THSD7A: variants seen among roughly 807,000 people sequenced by gnomAD.
THSD7A encodes the protein thrombospondin type 1 domain containing 7A, also known as thrombospondin type-1 domain-containing protein 7A.
Under a neutral mutation model 231.3 loss-of-function variants are expected in THSD7A, and 96 were observed. The observed-to-expected ratio is 0.41, with a 90% CI of 0.35 to 0.49. The LOEUF (loss-of-function observed/expected upper bound fraction) is 0.49. Among genes scored for constraint, THSD7A ranks in the 20% least tolerant of loss-of-function variants. THSD7A has a pLI of 0.05. For missense variants in THSD7A, 2,290 were observed against 2,070.2 expected (o/e 1.11, Z -2.06); for synonymous variants, 940 against 743.3 (o/e 1.26, Z -4.30).
chr7:11,588,385 G>A (rs778127437), intron 4 of THSD7A, among the ~76,000 whole-genome samples: 6 of 152,008 alleles, frequency 3.9e-5, no homozygotes, highest in Non-Finnish European at 7.4e-5. Flanking sequence ...TAAGAAGTTC[G>A]TTAGTATTCT....
chr7:11,571,140 C>G (rs992116620), intron 4 of THSD7A, among the ~76,000 whole-genome samples: 2 of 152,002 alleles, frequency 1.3e-5, no homozygotes, highest in African/African-American at 4.8e-5. Context: ...TTAGCTGGCA[C>G]CAAACAGATA....
chr7:11,465,881 G>C (rs905268934), intron 9 of THSD7A, among the ~76,000 whole-genome samples: 5 of 152,106 alleles, frequency 3.3e-5, no homozygotes, highest in East Asian at 3.9e-4. Flanking sequence ...TGTGCATAAG[G>C]TATTTCTATT....
At chr7:11,429,321 T>C (rs112627646) in intron 13 of THSD7A, among the ~76,000 whole-genome samples, 196 bp from the exon 14 acceptor site, 2,097 of 152,296 alleles carry the variant, frequency 0.014, 54 homozygotes, top group African/African-American at 0.048. Context: ...TCTGTTAAAA[T>C]AACAGTTGAG....
Position 11,429,119 on chromosome 7 carries a change from A to G in THSD7A, c.3071T>C (p.Ile1024Thr), listed in dbSNP as rs200965395. Residue 1024 changes from isoleucine to threonine, a missense_variant, in exon 14 of 28, where the codon ATT becomes ACT. Transcript: ENST00000423059. ...ETSRCNSHGYIEEACIIPCPS... is the reference protein window; with the variant it reads ...ETSRCNSHGYTEEACIIPCPS... The stretch of plus-strand genomic sequence containing the variant: ...GCAGGGGATGATGCAGGCCTCCTCA[A>G]TGTAACCTGAGTAGAGGAAAATGAG... The G allele has an allele frequency of 1.3e-6, 2 of 1,588,346 alleles. No individual in the cohort carries two copies. Among genetic ancestry groups the G allele is most frequent in the Admixed American group, 1.9e-5 (1 of 52,748 alleles).
intron 2 of THSD7A, among the ~76,000 whole-genome samples, chr7:11,631,703 G>T (rs1468250427): frequency 1.3e-5 from 2 of 152,162 alleles, no homozygotes; most frequent in Non-Finnish European, 2.9e-5. Flanking sequence ...TATCGTGTCT[G>T]CTAGGATTGG....
At chr7:11,466,573 C>T (rs1785714651) in intron 9 of THSD7A, among the ~76,000 whole-genome samples, 1 of 152,064 alleles carries the variant, frequency 6.6e-6, no homozygotes, top group Admixed American at 6.6e-5. Flanking sequence ...CTCAAATACC[C>T]AACTGAGGTG....
chr7:11,722,528 G>A (rs1463996357), intron 1 of THSD7A, among the ~76,000 whole-genome samples: 2 of 151,784 alleles, frequency 1.3e-5, no homozygotes, highest in Non-Finnish European at 2.9e-5. Flanking sequence ...CCACCCAGAG[G>A]CTGACTTAGC....
At chr7:11,734,379 G>C (rs1359146883) in intron 1 of THSD7A, among the ~76,000 whole-genome samples, 1 of 151,812 alleles carries the variant, frequency 6.6e-6, no homozygotes, top group East Asian at 1.9e-4. Flanking sequence ...AATTAAATAT[G>C]TCCATAACCT....
At position 11,636,727 on chromosome 7, in the gene THSD7A, T is replaced by A; in HGVS notation, c.425A>T (p.Lys142Ile). 1.2e-6 allele frequency: 2 copies of A among 1,613,932 alleles called. No individual in the cohort carries two copies. Among genetic ancestry groups the A allele is most frequent in the South Asian group, 1.1e-5 (1 of 91,082 alleles). ...CQPVISKSLE[K>I]PLECIKGEEG... The stretch of plus-strand genomic sequence containing the variant: ...TTCCCCCTTAATGCACTCAAGAGGT[T>A]TCTCTAGGCTTTTTGAAATCACGGG... The change falls in exon 2 of 28, where the codon AAA (lysine) becomes ATA (isoleucine). Residue 142 changes from lysine (K) to isoleucine (I), a missense_variant. Physicochemically the swap from Lys to Ile is moderately radical, Grantham distance 102. Coordinates refer to ENST00000423059, the MANE Select transcript of THSD7A (RefSeq NM_015204.3). This position sits in a 1 kb window ranked among gnomAD's most constrained non-coding sequence, Gnocchi z 10.0.
chr7:11,503,451 G>T (rs1292293425), intron 6 of THSD7A, among the ~76,000 whole-genome samples: 4 of 152,102 alleles, frequency 2.6e-5, no homozygotes, highest in Admixed American at 2.6e-4. Context: ...AGCAAACATT[G>T]ACAAATGGGA....
chr7:11,416,691 A>AT (rs1320840784), intron 17 of THSD7A, among the ~76,000 whole-genome samples: 2 of 152,152 alleles, frequency 1.3e-5, no homozygotes, highest in Non-Finnish European at 2.9e-5. Flanking sequence ...CATATTAGTT[A>AT]TTTTTCTCAT....
chr7:11,732,461 G>T (rs866580676), intron 1 of THSD7A, among the ~76,000 whole-genome samples: 1 of 151,788 alleles, frequency 6.6e-6, no homozygotes, highest in South Asian at 2.1e-4. Context: ...TAACCCCAAA[G>T]GGATTACTCT....
chr7:11,754,318 T>C (rs748384120), intron 1 of THSD7A, among the ~76,000 whole-genome samples: 3 of 152,028 alleles, frequency 2.0e-5, no homozygotes, highest in Non-Finnish European at 2.9e-5. Context: ...GTTATGATTG[T>C]ACAAAGTTCT....
chr7:11,665,401 T>TA (rs1783093226), intron 1 of THSD7A, among the ~76,000 whole-genome samples: 1 of 152,110 alleles, frequency 6.6e-6, no homozygotes, highest in South Asian at 2.1e-4. Flanking sequence ...GGTTGAGACC[T>TA]AAAACCCCAG....
chr7:11,624,904 A>G (rs1159194433), intron 2 of THSD7A, among the ~76,000 whole-genome samples: 1 of 152,082 alleles, frequency 6.6e-6, no homozygotes, highest in Non-Finnish European at 1.5e-5. Flanking sequence ...TTTGTATTTA[A>G]TTTTATTATA....
intron 1 of THSD7A, among the ~76,000 whole-genome samples, chr7:11,679,643 G>C (rs1474472533): frequency 6.6e-6 from 1 of 152,106 alleles, no homozygotes; most frequent in Non-Finnish European, 1.5e-5. Context: ...TACAAGGGAT[G>C]TGAAGGACCT....
chr7:11,509,925 T>C (rs1471929425), intron 6 of THSD7A, among the ~76,000 whole-genome samples: 6 of 149,438 alleles, frequency 4.0e-5, no homozygotes, highest in African/African-American at 9.8e-5. Flanking sequence ...TCACCACAAA[T>C]AAATGAAAAG....
chr7:11,456,983 A>G (rs1277939629), intron 11 of THSD7A, among the ~76,000 whole-genome samples: 2 of 152,166 alleles, frequency 1.3e-5, no homozygotes, highest in Admixed American at 6.6e-5. Flanking sequence ...TTTAAAGTTA[A>G]TAACATTTAA....
intron 6 of THSD7A, among the ~76,000 whole-genome samples, chr7:11,531,497 C>G (rs1381846553): frequency 6.6e-6 from 1 of 152,222 alleles, no homozygotes; most frequent in East Asian, 1.9e-4. Flanking sequence ...TCCAACCACA[C>G]TGGCCATGTT....
Sources: allele counts gnomAD v4.1 joint callset (sites outside exome capture counted in the v4.1 genomes callset), GRCh38; gene constraint gnomAD v4.1.1; non-coding constraint Gnocchi (gnomAD v3.1); transcripts MANE v1.5; gene names NCBI Gene and HGNC (gene_info 2026-07-23, HGNC 2026-07-21).